Variants in FNBP1L observed in about 807,000 individuals in gnomAD.
FNBP1L encodes formin-binding protein 1-like.
Under a neutral mutation model 91.2 loss-of-function variants are expected in FNBP1L, and 36 were observed. The ratio of observed to expected loss-of-function variants is 0.39; its 90% CI spans 0.30 to 0.52. The LOEUF is 0.52. Ranked by LOEUF, FNBP1L falls within the 20% of genes least tolerant of loss-of-function variation. FNBP1L has a pLI of 0.66. For synonymous variants in FNBP1L, 242 were observed against 237.0 expected, an observed-to-expected ratio of 1.02 and a Z score of -0.19; for missense variants, 571 against 732.1, an observed-to-expected ratio of 0.78 and a Z score of 2.54.
At chr1:93,542,642 T>C (rs1451376214) in intron 11 of FNBP1L, among the ~76,000 whole-genome samples, 1 of 151,852 alleles carries the variant, frequency 6.6e-6, no homozygotes, top group Non-Finnish European at 1.5e-5. Context: ...TTCTTACACA[T>C]GGTGAAATAA....
At chr1:93,497,667 T>A (rs1346152892) in intron 1 of FNBP1L, among the ~76,000 whole-genome samples, 1 of 152,198 alleles carries the variant, frequency 6.6e-6, no homozygotes, top group Non-Finnish European at 1.5e-5. Context: ...TTGCCCAGAC[T>A]GGAGTGCAGT....
At chr1:93,478,091 TAA>T (rs1469072108) in intron 1 of FNBP1L, among the ~76,000 whole-genome samples, 2 of 152,234 alleles carry the variant, frequency 1.3e-5, no homozygotes, top group African/African-American at 4.8e-5. Context: ...CAGTTAGGGA[TAA>T]ATGGGGAACT....
At chr1:93,449,256 T>TGGAGGGCAGTGATTTCTCAGGTGC (rs535657525) in intron 1 of FNBP1L, among the ~76,000 whole-genome samples, 85 of 151,666 alleles carry the variant, frequency 5.6e-4, no homozygotes, top group Middle Eastern at 6.8e-3. Flanking sequence ...GGTCGAGGTG[T>TGGAGGGCAGTGATTTCTCAGGTGC]GGAGGGCAGT....
At chr1:93,543,074 G>C (rs888894056) in intron 11 of FNBP1L, among the ~76,000 whole-genome samples, 2 of 152,094 alleles carry the variant, frequency 1.3e-5, no homozygotes, top group Non-Finnish European at 1.5e-5. Context: ...GATTACAGGC[G>C]TGAGCCACTG....
intron 1 of FNBP1L, among the ~76,000 whole-genome samples, chr1:93,475,965 T>A (rs890332960): frequency 3.3e-5 from 5 of 152,190 alleles, no homozygotes; most frequent in Admixed American, 2.0e-4. Context: ...CCCGACTCAA[T>A]TTTGTTTTTT....
intron 1 of FNBP1L, among the ~76,000 whole-genome samples, chr1:93,490,688 T>G (rs1387118369): frequency 6.6e-6 from 1 of 152,158 alleles, no homozygotes; most frequent in African/African-American, 2.4e-5. Context: ...GTAGAGAGAA[T>G]AGGGAAGTGA....
intron 1 of FNBP1L, among the ~76,000 whole-genome samples, chr1:93,463,401 A>G (rs1668965399): frequency 6.6e-6 from 1 of 152,158 alleles, no homozygotes; most frequent in Non-Finnish European, 1.5e-5. Flanking sequence ...ACCTGTGTAT[A>G]AGATGCTCCT....
At chr1:93,481,625 A>T (rs1281298802) in intron 1 of FNBP1L, among the ~76,000 whole-genome samples, 1 of 152,154 alleles carries the variant, frequency 6.6e-6, no homozygotes, top group Non-Finnish European at 1.5e-5. Flanking sequence ...GTTCAAAATA[A>T]ATTTTACTTC....
intron 2 of FNBP1L, among the ~76,000 whole-genome samples, chr1:93,503,278 C>T (rs1429504338): frequency 4.6e-5 from 7 of 152,052 alleles, no homozygotes; most frequent in African/African-American, 1.2e-4. Flanking sequence ...CATCAGATCT[C>T]GTGAGAACTA....
chr1:93,463,576 T>C (rs1000568117), intron 1 of FNBP1L, among the ~76,000 whole-genome samples: 1 of 152,192 alleles, frequency 6.6e-6, no homozygotes, highest in South Asian at 2.1e-4. Context: ...TCTATCTTTC[T>C]AGCCTCCTTC....
intron 2 of FNBP1L, among the ~76,000 whole-genome samples, chr1:93,512,171 A>G (rs1670879451): frequency 6.6e-6 from 1 of 152,098 alleles, no homozygotes; most frequent in African/African-American, 2.4e-5. Context: ...AAAAGAGACA[A>G]AGAAGGCCAT....
At chr1:93,524,791 T>G (rs1671444253) in intron 5 of FNBP1L, among the ~76,000 whole-genome samples, 1 of 151,976 alleles carries the variant, frequency 6.6e-6, no homozygotes. Context: ...CGAGATGATA[T>G]GAAATGTTTC....
At chr1:93,451,357 T>C (rs963835521) in intron 1 of FNBP1L, among the ~76,000 whole-genome samples, 8 of 152,160 alleles carry the variant, frequency 5.3e-5, no homozygotes, top group African/African-American at 1.7e-4. Context: ...TTTTAGTTTT[T>C]GAGGACCTAG....
At position 93,526,793 on chromosome 1, in the gene FNBP1L, A is replaced by G. The variant is rs192464277; in HGVS notation, c.405+2470A>G. ...GAAGGAGCATTTTTAATATTATTGT[A>G]CTACTAGTTCTTTTGCTTTTGCAAG... On this transcript the variant is annotated intron_variant, in intron 5 of 16. Coordinates refer to ENST00000271234, the MANE Select transcript of FNBP1L (RefSeq NM_001164473.3). 2.3e-3 allele frequency among the ~76,000 whole-genome samples: 357 copies of G among 152,276 alleles called. 3 individuals carry two copies. The highest frequency in any genetic ancestry group is 3.3e-3 in the Admixed American group (51 of 15,296).
chr1:93,522,741 G>A (rs1042434842), intron 3 of FNBP1L, among the ~76,000 whole-genome samples: 2 of 152,182 alleles, frequency 1.3e-5, no homozygotes, highest in Non-Finnish European at 1.5e-5. Flanking sequence ...CTGTAAGAGA[G>A]TGTTCCGCAG....
At chr1:93,484,168 C>A (rs1669817413) in intron 1 of FNBP1L, among the ~76,000 whole-genome samples, 1 of 152,164 alleles carries the variant, frequency 6.6e-6, no homozygotes, top group Non-Finnish European at 1.5e-5. Flanking sequence ...ACCTTGTGAT[C>A]CTCCCGCCTT....
chr1:93,495,076 C>T (rs1471926623), intron 1 of FNBP1L, among the ~76,000 whole-genome samples: 2 of 152,148 alleles, frequency 1.3e-5, no homozygotes, highest in Non-Finnish European at 2.9e-5. Flanking sequence ...CAATCATTAG[C>T]ACTAACTCTT....
chr1:93,525,050 G>C (rs1286523104), intron 5 of FNBP1L, among the ~76,000 whole-genome samples: 1 of 145,162 alleles, frequency 6.9e-6, no homozygotes, highest in Non-Finnish European at 1.5e-5. Context: ...TCTATAATCT[G>C]TGTCATGGGA....
chr1:93,501,799 A>AT (rs1210885927), intron 2 of FNBP1L, among the ~76,000 whole-genome samples: 1 of 152,244 alleles, frequency 6.6e-6, no homozygotes, highest in East Asian at 1.9e-4. Context: ...TAATCAGATT[A>AT]TTTTAAAGAA....
Sources: gnomAD v4.1 joint callset for allele counts (sites outside exome capture counted in the v4.1 genomes callset) on GRCh38, gnomAD v4.1.1 for gene constraint, MANE v1.5 for transcripts, NCBI Gene and HGNC (gene_info 2026-07-23, HGNC 2026-07-21) for gene names.